Variants in ARHGDIB observed in about 807,000 individuals in gnomAD.
The protein encoded by ARHGDIB is rho GDP-dissociation inhibitor 2.
Under a neutral mutation model 22.6 loss-of-function variants are expected in ARHGDIB, and 20 were observed. The observed-to-expected ratio is 0.88, with a 90% CI of 0.62 to 1.28. The LOEUF is 1.28. Ranked by LOEUF, ARHGDIB falls within the 50% of genes most tolerant of loss-of-function variation. The pLI, the probability that ARHGDIB is intolerant of heterozygous loss-of-function variation, is 0.00. For missense variants in ARHGDIB, 254 were observed against 245.4 expected (o/e 1.04, Z -0.23); for synonymous variants, 114 against 96.1 (o/e 1.19, Z -1.09).
At chr12:14,944,886 A>AT (rs745385775) in intron 4 of ARHGDIB, 47 bp from the exon 5 acceptor site, 23 of 1,542,382 alleles carry the variant, frequency 1.5e-5, no homozygotes, top group Non-Finnish European at 2.0e-5. Flanking sequence ...AGGGTCTTTC[A>AT]TTTTTTCTCA....
rs759227585 is a variant in ARHGDIB at position 14,944,826 on chromosome 12, A to G, written c.356T>C (p.Ile119Thr). The G allele has an allele frequency of 7.4e-6, 12 of 1,613,330 alleles. No homozygotes were observed. The highest frequency in any genetic ancestry group is 5.1e-6 in the Non-Finnish European group (6 of 1,179,674). Residue 119 changes from isoleucine (I) to threonine (T), a missense_variant, in exon 5 of 6, where the codon ATT becomes ACT. Ile to Thr is a moderately conservative substitution (Grantham distance 89). Coordinates refer to ENST00000228945, the MANE Select transcript of ARHGDIB (RefSeq NM_001175.7). ...CTGAACGTATTTCAGGCCTGACACA[A>G]TATCCCTGTTCACCTGCAGGTGGGA... is the stretch of plus-strand genomic sequence containing the variant. ...VKIHFKVNRD[I>T]VSGLKYVQHT...
Position 14,957,263 on chromosome 12 carries a change from T to C in ARHGDIB, c.-13+4274A>G, listed in dbSNP as rs1864322118. Among the ~76,000 whole-genome samples the C allele has an allele frequency of 3.9e-5, 6 of 152,286 alleles. No individual in the cohort carries two copies. In the South Asian group the frequency reaches 1.0e-3, roughly 26 times the overall value. On this transcript the variant is annotated intron_variant, in intron 1 of 5. Transcript: ENST00000228945. The stretch of plus-strand genomic sequence containing the variant: ...GGGTTGAAAGATTGGAGAAAACACA[T>C]GAAAAATTATAGGACTATACTGGTC...
chr12:14,950,093 G>A (rs942754998), intron 2 of ARHGDIB, among the ~76,000 whole-genome samples: 2 of 152,124 alleles, frequency 1.3e-5, no homozygotes, highest in Non-Finnish European at 2.9e-5. Context: ...GCACTTGTAG[G>A]TCCATCTAAT....
chr12:14,945,466 A>C (rs143533380), intron 4 of ARHGDIB, among the ~76,000 whole-genome samples: 1 of 152,354 alleles, frequency 6.6e-6, no homozygotes, highest in African/African-American at 2.4e-5. Context: ...CTTTCAAAGA[A>C]AATTCAGTAA....
chr12:14,951,248 A>T (rs1409291778), intron 1 of ARHGDIB: 2 of 153,484 alleles, frequency 1.3e-5, no homozygotes, highest in East Asian at 3.9e-4. Flanking sequence ...GAACTCCAGC[A>T]ATGCCTCAAA....
chr12:14,945,765 G>A (rs986766322), intron 4 of ARHGDIB, among the ~76,000 whole-genome samples: 6 of 152,222 alleles, frequency 3.9e-5, no homozygotes, highest in Non-Finnish European at 8.8e-5. Context: ...TTGGCAGGGA[G>A]GTGGCAGAGC....
At position 14,942,380 on chromosome 12, in the gene ARHGDIB, A is replaced by G; in HGVS notation, c.*142T>C. The G allele has an allele frequency of 1.1e-6, 1 of 896,918 alleles. No individual in the cohort carries two copies. Among genetic ancestry groups the G allele is most frequent in the Non-Finnish European group, 1.7e-6 (1 of 578,090 alleles). The allele number at this position is 896,918 out of a possible 1,614,324, so 55.6% of individuals were successfully genotyped here. A position where few individuals can be genotyped will look rare whatever the true frequency, so the allele number is the denominator to read the frequency against. On this transcript the variant is annotated 3_prime_UTR_variant, in exon 6 of 6. Coordinates refer to ENST00000228945, the MANE Select transcript of ARHGDIB (RefSeq NM_001175.7). Reference sequence around the variant, plus strand: ...TGTTCTAGGGACCACGTTGAGTGACAGGGTGGGAAAAGATGCATCAATAAG... The same window carrying G: ...TGTTCTAGGGACCACGTTGAGTGACGGGGTGGGAAAAGATGCATCAATAAG...
chr12:14,942,531 C>T lies in ARHGDIB; in HGVS notation c.597G>A (p.Trp199Ter), dbSNP rs778988055. ...WEWNLSIKKE[W>*]TE ...AAAGGGGTGGATGCATTCATTCTGTCCACTCCTTCTTAATCGACAGGTTCC... is the reference window on the plus strand; with the variant it reads ...AAAGGGGTGGATGCATTCATTCTGTTCACTCCTTCTTAATCGACAGGTTCC... Residue 199 changes from tryptophan to a stop codon, truncating the protein, a stop_gained, in exon 6 of 6, where the codon TGG becomes TGA. Coordinates refer to ENST00000228945, the MANE Select transcript of ARHGDIB (RefSeq NM_001175.7). LOFTEE classifies it high-confidence loss of function. 3 of 1,614,122 alleles carry T rather than the reference C, an allele frequency of 1.9e-6. No homozygotes were observed. The highest frequency in any genetic ancestry group is 2.5e-6 in the Non-Finnish European group (3 of 1,180,020).
At chr12:14,961,433 C>G (rs574061471) in intron 1 of ARHGDIB, 104 bp downstream of exon 1, 2 of 152,184 alleles carry the variant, frequency 1.3e-5, no homozygotes, top group African/African-American at 2.4e-5. Context: ...AACTGCCCCT[C>G]TAAAAAAATA....
At chr12:14,960,995 T>TTA (rs1864399896) in intron 1 of ARHGDIB, among the ~76,000 whole-genome samples, 1 of 152,236 alleles carries the variant, frequency 6.6e-6, no homozygotes, top group Non-Finnish European at 1.5e-5. Flanking sequence ...TGCATTTCTC[T>TTA]TATATCACCA....
chr12:14,955,095 T>G (rs756526151), intron 1 of ARHGDIB, among the ~76,000 whole-genome samples: 1 of 152,218 alleles, frequency 6.6e-6, no homozygotes, highest in Non-Finnish European at 1.5e-5. Context: ...ACTGAACAGG[T>G]CTTTGCATAA....
intron 5 of ARHGDIB, among the ~76,000 whole-genome samples, chr12:14,943,524 T>G (rs1863932694): frequency 6.6e-6 from 1 of 152,162 alleles, no homozygotes; most frequent in Non-Finnish European, 1.5e-5. Flanking sequence ...AGCCTCCATT[T>G]CTTTGTGTAT....
chr12:14,944,928 T>G, intron 4 of ARHGDIB, 89 bp from the exon 5 acceptor site: 1 of 1,090,854 alleles, frequency 9.2e-7, no homozygotes, highest in Non-Finnish European at 1.3e-6. Flanking sequence ...AGCTGAATCG[T>G]CTCTGACAAT....
intron 5 of ARHGDIB, among the ~76,000 whole-genome samples, chr12:14,943,377 GT>G (rs10713403): frequency 0.57 from 82,267 of 143,804 alleles, 23,578 homozygotes; most frequent in Non-Finnish European, 0.62. Context: ...GATTAAGCCT[GT>G]TTTTTTTTTT....
chr12:14,961,035 A>G (rs1232611811), intron 1 of ARHGDIB: 1 of 151,990 alleles, frequency 6.6e-6, no homozygotes, highest in Non-Finnish European at 1.5e-5. Flanking sequence ...ACAGTTTAAT[A>G]TTTGACAGCT....
At chr12:14,944,350 C>T (rs888626339) in intron 5 of ARHGDIB, among the ~76,000 whole-genome samples, 4 of 151,502 alleles carry the variant, frequency 2.6e-5, no homozygotes, top group Admixed American at 2.0e-4. Context: ...TCCAATGCCA[C>T]CCCCACCTAC....
At chr12:14,946,288 TAAC>T (rs1390943067) in intron 4 of ARHGDIB, among the ~76,000 whole-genome samples, 1 of 152,094 alleles carries the variant, frequency 6.6e-6, no homozygotes, top group Non-Finnish European at 1.5e-5. Context: ...GAACCTAAAA[TAAC>T]AATCGTAGGT....
rs1427651550 is a variant in ARHGDIB at position 14,952,836 on chromosome 12, A to C, written c.-12-2112T>G. 2.0e-5 allele frequency among the ~76,000 whole-genome samples: 3 copies of C among 152,224 alleles called. No individual in the cohort carries two copies. In the East Asian group the frequency reaches 5.8e-4, roughly 29 times the overall value. On this transcript the variant is annotated intron_variant, in intron 1 of 5. Coordinates refer to ENST00000228945, the MANE Select transcript of ARHGDIB (RefSeq NM_001175.7). ...TTCTGAACTGTATCACTTGGTTCTA[A>C]CAAGTCGCCTGATTGAATGAAACCT...
At chr12:14,949,769 C>T (rs554053264) in intron 3 of ARHGDIB, 33 bp downstream of exon 3, 1 of 1,600,946 alleles carries the variant, frequency 6.2e-7, no homozygotes, top group South Asian at 1.1e-5. Context: ...ATATCTTAGG[C>T]CCCCTTTGAA....
Sources: allele counts gnomAD v4.1 joint callset (sites outside exome capture counted in the v4.1 genomes callset), GRCh38; gene constraint gnomAD v4.1.1; transcripts MANE v1.5; gene names NCBI Gene and HGNC (gene_info 2026-07-23, HGNC 2026-07-21).